Variants in CNNM2 observed in about 807,000 individuals in gnomAD.
The protein encoded by CNNM2 is metal transporter CNNM2.
In CNNM2, 12 loss-of-function variants were observed where a neutral mutation model predicts 66.9. The ratio of observed to expected loss-of-function variants is 0.18; its 90% CI spans 0.11 to 0.29. The LOEUF (loss-of-function observed/expected upper bound fraction) is 0.29. Among genes scored for constraint, CNNM2 ranks in the 10% least tolerant of loss-of-function variants. CNNM2 has a pLI of 1.00. For missense variants in CNNM2, 705 were observed against 1,167.7 expected (o/e 0.60, Z 5.77); for synonymous variants, 557 against 501.8 (o/e 1.11, Z -1.47).
At chr10:102,925,296 CAAAA>C (rs10624810) in intron 1 of CNNM2, among the ~76,000 whole-genome samples, 1 of 17,748 alleles carries the variant, frequency 5.6e-5, no homozygotes, top group African/African-American at 1.9e-4. Context: ...AACTCCATCT[CAAAA>C]AAAAAAAAAA....
At chr10:103,006,180 G>A (rs554007702) in intron 1 of CNNM2, among the ~76,000 whole-genome samples, 1 of 151,722 alleles carries the variant, frequency 6.6e-6, no homozygotes, top group East Asian at 1.9e-4. Context: ...ACCATTAACT[G>A]TGATGTTTGC....
At chr10:103,021,583 A>G (rs961056326) in intron 1 of CNNM2, among the ~76,000 whole-genome samples, 2 of 152,112 alleles carry the variant, frequency 1.3e-5, no homozygotes, top group African/African-American at 4.8e-5. Context: ...GATTTTGACA[A>G]TGAGTGAGAC....
At chr10:103,074,609 G>A (rs2065658091) in intron 6 of CNNM2, among the ~76,000 whole-genome samples, 1 of 152,200 alleles carries the variant, frequency 6.6e-6, no homozygotes, top group Admixed American at 6.5e-5. Context: ...GAGGCGACAA[G>A]ATCACTTGAG....
At chr10:102,932,177 A>G (rs887571614) in intron 1 of CNNM2, among the ~76,000 whole-genome samples, 10 of 151,150 alleles carry the variant, frequency 6.6e-5, no homozygotes, top group African/African-American at 2.2e-4. Context: ...AAAAGGTTTT[A>G]ATTTTGATTG....
intron 1 of CNNM2, among the ~76,000 whole-genome samples, chr10:103,015,002 A>G (rs2064414849): frequency 6.6e-6 from 1 of 152,236 alleles, no homozygotes; most frequent in Admixed American, 6.5e-5. Flanking sequence ...CTTCCAGTAA[A>G]TCAACTACAT....
chr10:103,011,149 T>C (rs912558310), intron 1 of CNNM2, among the ~76,000 whole-genome samples: 10 of 152,158 alleles, frequency 6.6e-5, no homozygotes, highest in Non-Finnish European at 4.4e-5. Context: ...AGTGAGTTGC[T>C]TCTTTGCTTA....
At chr10:103,030,478 G>A (rs1251942612) in intron 1 of CNNM2, among the ~76,000 whole-genome samples, 3 of 152,200 alleles carry the variant, frequency 2.0e-5, no homozygotes, top group African/African-American at 7.2e-5. Context: ...ACTTTGGGAG[G>A]CCGAGGCAGG....
intron 1 of CNNM2, among the ~76,000 whole-genome samples, chr10:102,958,243 C>T (rs1847122114): frequency 6.6e-6 from 1 of 151,842 alleles, no homozygotes; most frequent in Non-Finnish European, 1.5e-5. Context: ...GCCTGAGCCA[C>T]TGCACCTGGC....
rs4919695 is a variant in CNNM2, at chr10:102,944,260, A to G, written c.1621+24159A>G. ...CGCCCAGCTAGTTTTTGTATTTTTA[A>G]TAAAGATGGGGTTTCACCATATTGG... On this transcript the variant is annotated intron_variant, in intron 1 of 7. Coordinates refer to ENST00000369878, the MANE Select transcript of CNNM2 (RefSeq NM_017649.5). Among the ~76,000 whole-genome samples the G allele has an allele frequency of 0.41, 61,954 of 151,428 alleles. 12,858 individuals carry two copies. The highest frequency in any genetic ancestry group is 0.55 in the East Asian group (2,846 of 5,142).
intron 1 of CNNM2, among the ~76,000 whole-genome samples, chr10:102,935,685 C>CA (rs1259001746): frequency 6.8e-6 from 1 of 147,916 alleles, no homozygotes; most frequent in Non-Finnish European, 1.5e-5. Context: ...CAGCTCACTG[C>CA]AGCCCTGGTT....
At position 103,082,068 on chromosome 10, in the gene CNNM2, C is replaced by CT. The variant is rs2065762689; in HGVS notation, c.*4889dup. On this transcript the variant is annotated 3_prime_UTR_variant, in exon 8 of 8. Transcript: ENST00000369878. Reference sequence around the variant, plus strand: ...GTTCTAGCTGCAAGAGAGTAAAGTTCTAGGTGTTTGTATGCCAAGGTTTAT... The same window carrying CT: ...GTTCTAGCTGCAAGAGAGTAAAGTTCTTAGGTGTTTGTATGCCAAGGTTTAT... 1 of 152,204 alleles carries CT rather than the reference C, an allele frequency of 6.6e-6. No individual in the cohort carries two copies. Among genetic ancestry groups the CT allele is most frequent in the Non-Finnish European group, 1.5e-5 (1 of 68,028 alleles). 9.4% of individuals were successfully genotyped at this position (152,204 alleles called of 1,614,324 possible).
At chr10:103,016,782 G>C (rs2064459863) in intron 1 of CNNM2, among the ~76,000 whole-genome samples, 1 of 152,160 alleles carries the variant, frequency 6.6e-6, no homozygotes, top group African/African-American at 2.4e-5. Flanking sequence ...ATGGAGGCCA[G>C]TTCTTCACAT....
At position 103,082,372 on chromosome 10, in the gene CNNM2, A is replaced by G. The variant is rs1484702412; in HGVS notation, c.*5192A>G. The G allele has an allele frequency of 6.6e-6, 1 of 152,192 alleles. No homozygotes were observed. The highest frequency in any genetic ancestry group is 2.4e-5 in the African/African-American group (1 of 41,422). The allele number at this position is 152,192 out of a possible 1,614,324, so 9.4% of individuals were successfully genotyped here. On this transcript the variant is annotated 3_prime_UTR_variant, in exon 8 of 8. Transcript: ENST00000369878. ...TTTTGTTGGAGGCTCAGACTTCTAG[A>G]GCAGAGCAAAGTTGGGAAGAATGAG...
chr10:102,930,626 T>A (rs1846031091), intron 1 of CNNM2, among the ~76,000 whole-genome samples: 1 of 152,194 alleles, frequency 6.6e-6, no homozygotes, highest in East Asian at 1.9e-4. Context: ...GTTCACAAGG[T>A]TGTGCAGTCA....
At chr10:102,957,452 A>G (rs936172646) in intron 1 of CNNM2, among the ~76,000 whole-genome samples, 1 of 152,244 alleles carries the variant, frequency 6.6e-6, no homozygotes, top group Non-Finnish European at 1.5e-5. Context: ...AAATTGGTTT[A>G]GAAGGGAAAG....
intron 1 of CNNM2, among the ~76,000 whole-genome samples, chr10:102,966,515 T>G (rs2063466719): frequency 6.6e-6 from 1 of 152,126 alleles, no homozygotes. Context: ...TAATCCTAGC[T>G]ACTCAGGAGG....
chr10:103,070,530 A>G (rs1046214875), intron 5 of CNNM2, among the ~76,000 whole-genome samples: 4 of 152,204 alleles, frequency 2.6e-5, no homozygotes, highest in Admixed American at 6.5e-5. Context: ...AACCAGATTT[A>G]TAAGATGGCT....
intron 1 of CNNM2, among the ~76,000 whole-genome samples, chr10:103,000,435 G>T (rs1339987913): frequency 2.0e-5 from 3 of 151,752 alleles, no homozygotes; most frequent in South Asian, 2.1e-4. Flanking sequence ...TGATTTTTTT[G>T]TGTGTGTTTT....
Position 103,047,885 on chromosome 10 carries a change from C to T in CNNM2, c.1622-1822C>T, listed in dbSNP as rs76230169. ...TTAATTGTTGAGAAGCTGTTACGCT[C>T]GTGGCTACAAGTCTCCCAAAATTTT... On this transcript the variant is annotated intron_variant, in intron 1 of 7. Transcript: ENST00000369878. Among the ~76,000 whole-genome samples the T allele has an allele frequency of 4.1e-3, 622 of 152,248 alleles. 20 individuals are homozygous for T. The East Asian group carries it at 0.072, about 18-fold the overall frequency.
Sources: gnomAD v4.1 joint callset for allele counts (sites outside exome capture counted in the v4.1 genomes callset) on GRCh38, gnomAD v4.1.1 for gene constraint, MANE v1.5 for transcripts, NCBI Gene and HGNC (gene_info 2026-07-23, HGNC 2026-07-21) for gene names.